SYT1: variants seen among roughly 807,000 people sequenced by gnomAD.
SYT1 encodes synaptotagmin 1.
SYT1 carries 8 observed loss-of-function variants against 44.8 expected under a neutral mutation model. The observed-to-expected ratio is 0.18, with a 90% CI of 0.10 to 0.32. SYT1 has a LOEUF of 0.32. Among genes scored for constraint, SYT1 ranks in the 10% least tolerant of loss-of-function variants. The probability of loss-of-function intolerance (pLI) is 1.00; values close to 1 mark genes in which losing one functional copy is unlikely to be tolerated. For missense variants in SYT1, 286 were observed against 509.3 expected (o/e 0.56, Z 4.22); for synonymous variants, 154 against 188.8 (o/e 0.82, Z 1.51).
chr12:78,952,971 A>C (rs973546659), intron 1 of SYT1, among the ~76,000 whole-genome samples: 1 of 152,152 alleles, frequency 6.6e-6, no homozygotes, highest in Non-Finnish European at 1.5e-5. Flanking sequence ...GAAAACCAAG[A>C]GGGCAAAATT....
chr12:79,179,386 C>T lies in SYT1; in HGVS notation c.-17-38117C>T, dbSNP rs1311455087. 5.1e-5 allele frequency among the ~76,000 whole-genome samples: 3 copies of T among 59,372 alleles called. 1 individual carries two copies. The highest frequency in any genetic ancestry group is 3.7e-4 in the Admixed American group (2 of 5,394). 39.0% of individuals were successfully genotyped at this position (59,372 alleles called of 152,430 possible). A position where few individuals can be genotyped will look rare whatever the true frequency, so the allele number is the denominator to read the frequency against. On this transcript the variant is annotated intron_variant, in intron 3 of 10. Coordinates refer to ENST00000261205, the MANE Select transcript of SYT1 (RefSeq NM_005639.3). ...GATATAGATATAGATATAGATATAT[C>T]GATATAGATATCCATATAGATATAG...
chr12:79,285,244 A>G (rs963758678), intron 4 of SYT1, among the ~76,000 whole-genome samples: 1 of 152,258 alleles, frequency 6.6e-6, no homozygotes, highest in Non-Finnish European at 1.5e-5. Flanking sequence ...ATGCCAGAAC[A>G]TAAGAATACA....
chr12:79,038,012 T>C (rs1873252518), intron 2 of SYT1, among the ~76,000 whole-genome samples: 1 of 151,702 alleles, frequency 6.6e-6, no homozygotes, highest in African/African-American at 2.4e-5. Flanking sequence ...GGTCTTTTTT[T>C]GGTAATGTTT....
chr12:79,044,028 A>G (rs1873804066), intron 2 of SYT1, among the ~76,000 whole-genome samples: 2 of 152,144 alleles, frequency 1.3e-5, no homozygotes, highest in Non-Finnish European at 1.5e-5. Context: ...CTTTGTGGGT[A>G]ACCCAACCTT....
At chr12:79,122,860 T>C (rs1330751310) in intron 3 of SYT1, among the ~76,000 whole-genome samples, 1 of 152,244 alleles carries the variant, frequency 6.6e-6, no homozygotes, top group Non-Finnish European at 1.5e-5. Context: ...GTTATAATTC[T>C]AACTGTTCAT....
intron 4 of SYT1, among the ~76,000 whole-genome samples, chr12:79,248,500 G>A (rs752633743): frequency 5.9e-5 from 9 of 152,058 alleles, no homozygotes; most frequent in African/African-American, 1.7e-4. Flanking sequence ...AGCAATTTAC[G>A]CATGGAAATA....
At chr12:79,197,546 G>A (rs1873535243) in intron 3 of SYT1, among the ~76,000 whole-genome samples, 1 of 152,014 alleles carries the variant, frequency 6.6e-6, no homozygotes, top group Admixed American at 6.6e-5. Context: ...CAAAACAGTA[G>A]AAAAGAGAAA....
At chr12:79,151,201 G>A (rs1025692402) in intron 3 of SYT1, among the ~76,000 whole-genome samples, 1 of 152,150 alleles carries the variant, frequency 6.6e-6, no homozygotes, top group African/African-American at 2.4e-5. Context: ...TCAAGGGTTG[G>A]CAGAGGAATT....
intron 3 of SYT1, among the ~76,000 whole-genome samples, chr12:79,069,657 A>T (rs929051259): frequency 6.6e-6 from 1 of 152,104 alleles, no homozygotes; most frequent in African/African-American, 2.4e-5. Context: ...CTTGACATTG[A>T]TAGAAAAATA....
chr12:79,280,820 C>A (rs1268670425), intron 4 of SYT1, among the ~76,000 whole-genome samples: 1 of 151,474 alleles, frequency 6.6e-6, no homozygotes, highest in East Asian at 1.9e-4. Context: ...AGATAATAAT[C>A]CCATAAAAAG....
intron 2 of SYT1, among the ~76,000 whole-genome samples, chr12:79,045,104 G>A (rs1873918117): frequency 6.6e-6 from 1 of 152,102 alleles, no homozygotes; most frequent in South Asian, 2.1e-4. Context: ...CAGAGGTGGA[G>A]CCTACAGAGG....
chr12:78,896,218 G>A (rs780380694), intron 1 of SYT1, among the ~76,000 whole-genome samples: 18 of 151,472 alleles, frequency 1.2e-4, no homozygotes, highest in Non-Finnish European at 2.1e-4. Context: ...ATTGCTGCTT[G>A]CCCTATTTGA....
intron 3 of SYT1, among the ~76,000 whole-genome samples, chr12:79,131,386 G>GT (rs1199010610): frequency 5.3e-5 from 8 of 151,930 alleles, no homozygotes; most frequent in South Asian, 2.1e-4. Context: ...TTCAACAAGG[G>GT]TTTTTTTGTT....
chr12:78,881,205 C>T (rs1248624220), intron 1 of SYT1, among the ~76,000 whole-genome samples: 2 of 151,592 alleles, frequency 1.3e-5, no homozygotes, highest in African/African-American at 2.4e-5. Flanking sequence ...CCCCCAAATA[C>T]TTCCCTCCTG....
At chr12:79,301,357 G>T (rs1344919495) in intron 8 of SYT1, among the ~76,000 whole-genome samples, 1 of 152,278 alleles carries the variant, frequency 6.6e-6, no homozygotes, top group East Asian at 1.9e-4. Flanking sequence ...TGAGCTAAGG[G>T]AATGTGGACC....
At chr12:79,171,182 T>C (rs556755835) in intron 3 of SYT1, among the ~76,000 whole-genome samples, 1 of 152,180 alleles carries the variant, frequency 6.6e-6, no homozygotes, top group Non-Finnish European at 1.5e-5. Context: ...GGGGTCTTTA[T>C]TTGGTTCCAC....
chr12:79,051,690 T>C (rs1166679140), intron 3 of SYT1, among the ~76,000 whole-genome samples: 1 of 151,940 alleles, frequency 6.6e-6, no homozygotes, highest in African/African-American at 2.4e-5. Context: ...TAATGAAAAA[T>C]GTCTACCCAG....
chr12:79,449,670 T>A lies in SYT1; in HGVS notation c.*546T>A, dbSNP rs1870937287. 1 of 152,714 alleles carries A rather than the reference T, an allele frequency of 6.5e-6. No homozygotes were observed. Among genetic ancestry groups the A allele is most frequent in the Admixed American group, 6.5e-5 (1 of 15,316 alleles). 9.5% of individuals were successfully genotyped at this position (152,714 alleles called of 1,614,324 possible). ...TGAGCTTTCTATTGAATCATTTGAG[T>A]ACCAAGATAAACTTACACCACATAC... is the stretch of plus-strand genomic sequence containing the variant. On this transcript the variant is annotated 3_prime_UTR_variant, in exon 11 of 11. Transcript: ENST00000261205.
intron 1 of SYT1, among the ~76,000 whole-genome samples, chr12:78,870,740 T>C (rs1873777007): frequency 6.6e-6 from 1 of 151,986 alleles, no homozygotes; most frequent in Admixed American, 6.6e-5. Flanking sequence ...TTGTTTTACT[T>C]GAGGCTCATT....
Sources: allele counts gnomAD v4.1 joint callset (sites outside exome capture counted in the v4.1 genomes callset), GRCh38; gene constraint gnomAD v4.1.1; transcripts MANE v1.5; gene names NCBI Gene and HGNC (gene_info 2026-07-23, HGNC 2026-07-21).